Variants in RAI14 observed in about 807,000 individuals in gnomAD.
The protein encoded by RAI14 is retinoic acid induced 14, also known as ankycorbin.
A neutral mutation model predicts 115.4 loss-of-function variants in RAI14; 45 were observed. The ratio of observed to expected loss-of-function variants is 0.39; its 90% CI spans 0.31 to 0.50. The LOEUF is 0.50. Ranked by LOEUF, RAI14 falls within the 20% of genes least tolerant of loss-of-function variation. The probability of loss-of-function intolerance (pLI) is 0.85; values close to 1 mark genes in which losing one functional copy is unlikely to be tolerated. For synonymous variants in RAI14, 371 were observed against 415.4 expected, an observed-to-expected ratio of 0.89 and a Z score of 1.30; for missense variants, 939 against 1,131.2, an observed-to-expected ratio of 0.83 and a Z score of 2.44.
At chr5:34,780,912 C>T (rs1163889450) in intron 3 of RAI14, among the ~76,000 whole-genome samples, 1 of 152,132 alleles carries the variant, frequency 6.6e-6, no homozygotes, top group Admixed American at 6.6e-5. Context: ...TATAAAGTCA[C>T]ATGCACACGT....
chr5:34,770,269 G>T (rs2150129276), intron 3 of RAI14, among the ~76,000 whole-genome samples: 1 of 152,288 alleles, frequency 6.6e-6, no homozygotes, highest in South Asian at 2.1e-4. Context: ...AAAGGACACA[G>T]CTTTCTCTCC....
chr5:34,723,443 C>T (rs1199176394), intron 2 of RAI14, among the ~76,000 whole-genome samples: 1 of 152,126 alleles, frequency 6.6e-6, no homozygotes, highest in East Asian at 1.9e-4. Flanking sequence ...GTCTTTTGGT[C>T]TTCAACTATT....
At chr5:34,802,878 A>G (rs926004426) in intron 4 of RAI14, among the ~76,000 whole-genome samples, 2 of 152,202 alleles carry the variant, frequency 1.3e-5, no homozygotes, top group Admixed American at 1.3e-4. Flanking sequence ...CTGTATAAGA[A>G]CTTTGAAAAT....
chr5:34,751,135 G>A (rs1050494643), intron 2 of RAI14, among the ~76,000 whole-genome samples: 14 of 144,714 alleles, frequency 9.7e-5, no homozygotes, highest in African/African-American at 3.7e-4. Context: ...ACAGGTGTGA[G>A]CCACCGCGCC....
intron 3 of RAI14, among the ~76,000 whole-genome samples, chr5:34,779,506 A>T (rs553495025): frequency 1.6e-4 from 25 of 152,346 alleles, no homozygotes; most frequent in African/African-American, 6.0e-4. Flanking sequence ...CCTTAAGCTG[A>T]TAAGCAACTT....
chr5:34,669,695 G>T (rs144716946), intron 1 of RAI14, among the ~76,000 whole-genome samples: 1,606 of 152,312 alleles, frequency 0.011, 18 homozygotes, highest in South Asian at 0.036. Flanking sequence ...TTGTCCTGAA[G>T]AATTGCAGTA....
chr5:34,699,017 T>A (rs1739705522), intron 2 of RAI14, among the ~76,000 whole-genome samples: 1 of 152,170 alleles, frequency 6.6e-6, no homozygotes, highest in Non-Finnish European at 1.5e-5. Context: ...GCCAGCCAAG[T>A]GTGAGTGCCC....
chr5:34,717,507 A>T (rs1488535540), intron 2 of RAI14, among the ~76,000 whole-genome samples: 8 of 152,172 alleles, frequency 5.3e-5, no homozygotes, highest in Admixed American at 1.3e-4. Flanking sequence ...GCGGGGGGGA[A>T]TCCTTGTGGA....
chr5:34,813,694 G>A (rs750268445), intron 11 of RAI14, 34 bp downstream of exon 11: 15 of 1,512,744 alleles, frequency 9.9e-6, no homozygotes, highest in South Asian at 2.4e-5. Flanking sequence ...ATCAATAAAC[G>A]CACCACAAGA....
At chr5:34,759,821 G>A (rs886577083) in intron 3 of RAI14, among the ~76,000 whole-genome samples, 2 of 152,154 alleles carry the variant, frequency 1.3e-5, no homozygotes, top group African/African-American at 4.8e-5. Flanking sequence ...TACCAAAAAG[G>A]TTGGGGACTG....
intron 2 of RAI14, among the ~76,000 whole-genome samples, chr5:34,743,519 A>T (rs1179838056): frequency 3.3e-5 from 5 of 152,170 alleles, no homozygotes; most frequent in African/African-American, 2.4e-5. Flanking sequence ...TCCAATTAAG[A>T]TTGCATTCTG....
At chr5:34,699,209 A>T (rs1739728433) in intron 2 of RAI14, among the ~76,000 whole-genome samples, 1 of 152,220 alleles carries the variant, frequency 6.6e-6, no homozygotes, top group Non-Finnish European at 1.5e-5. Flanking sequence ...ACAAACTGTG[A>T]TTTATTTATA....
intron 3 of RAI14, among the ~76,000 whole-genome samples, chr5:34,769,729 G>T (rs1371154376): frequency 6.6e-6 from 1 of 152,072 alleles, no homozygotes; most frequent in Non-Finnish European, 1.5e-5. Flanking sequence ...ATGACTTTTA[G>T]TTTGTATATA....
chr5:34,826,187 T>A (rs1757424128), intron 15 of RAI14, 143 bp from the exon 16 acceptor site: 2 of 645,364 alleles, frequency 3.1e-6, no homozygotes, highest in Non-Finnish European at 4.7e-6. Context: ...GTTTTTTAAT[T>A]TAAATGTATT....
At chr5:34,681,874 A>C (rs1268795168) in intron 1 of RAI14, among the ~76,000 whole-genome samples, 12 of 34,340 alleles carry the variant, frequency 3.5e-4, no homozygotes, top group African/African-American at 1.6e-3. Flanking sequence ...TTTTTTTTTG[A>C]GATGGAGTTT....
intron 2 of RAI14, among the ~76,000 whole-genome samples, chr5:34,697,518 G>A (rs181023953): frequency 4.6e-5 from 7 of 152,176 alleles, no homozygotes; most frequent in Non-Finnish European, 8.8e-5. Flanking sequence ...AACCAGTCAG[G>A]CTTTTCCTTT....
intron 2 of RAI14, among the ~76,000 whole-genome samples, chr5:34,750,357 C>G (rs1460586923): frequency 6.6e-6 from 1 of 152,100 alleles, no homozygotes; most frequent in African/African-American, 2.4e-5. Context: ...AAATCATATG[C>G]AAGTTTTTGT....
rs1743040936 is a variant in RAI14, at chr5:34,665,108, T to C, written c.-49+8633T>C. Among the ~76,000 whole-genome samples, 21 of 26,152 alleles carry C rather than the reference T, an allele frequency of 8.0e-4. 7 individuals carry two copies. The highest frequency in any genetic ancestry group is 2.4e-3 in the African/African-American group (21 of 8,618). 17.2% of individuals were successfully genotyped at this position (26,152 alleles called of 152,430 possible). ...ATATATATGTGTATATATATGTGTATATATATGTGTATATATGTATGTGTA... is the reference window on the plus strand; with the variant it reads ...ATATATATGTGTATATATATGTGTACATATATGTGTATATATGTATGTGTA... On this transcript the variant is annotated intron_variant, in intron 1 of 17. Transcript: ENST00000265109.
intron 4 of RAI14, among the ~76,000 whole-genome samples, chr5:34,798,141 C>G (rs370629825): frequency 8.5e-4 from 129 of 152,146 alleles, no homozygotes; most frequent in Middle Eastern, 3.4e-3. Context: ...GTTCAAGTGA[C>G]TCTCCTGCCT....
Sources: gnomAD v4.1 joint callset for allele counts (sites outside exome capture counted in the v4.1 genomes callset) on GRCh38, gnomAD v4.1.1 for gene constraint, MANE v1.5 for transcripts, NCBI Gene and HGNC (gene_info 2026-07-23, HGNC 2026-07-21) for gene names.